The following NRXN1 variants were observed in gnomAD, a reference collection of about 807,000 sequenced individuals.
NRXN1 encodes the protein neurexin 1, also known as neurexin-1.
Under a neutral mutation model 150.9 loss-of-function variants are expected in NRXN1, and 39 were observed. That is an observed-to-expected ratio of 0.26 (90% CI 0.20 to 0.34). The LOEUF is 0.34. Among genes scored for constraint, NRXN1 ranks in the 10% least tolerant of loss-of-function variants. The probability of loss-of-function intolerance (pLI) is 1.00; values close to 1 mark genes in which losing one functional copy is unlikely to be tolerated. For missense variants in NRXN1, 1,815 were observed against 1,949.9 expected (o/e 0.93, Z 1.30); for synonymous variants, 924 against 757.0 (o/e 1.22, Z -3.62).
chr2:50,120,444 T>C (rs1168313521), intron 18 of NRXN1, among the ~76,000 whole-genome samples: 1 of 152,178 alleles, frequency 6.6e-6, no homozygotes, highest in African/African-American at 2.4e-5. Flanking sequence ...GAATACTATT[T>C]ATAGTTTATT....
intron 5 of NRXN1, among the ~76,000 whole-genome samples, chr2:50,750,341 T>C (rs1700454152): frequency 1.5e-5 from 2 of 131,690 alleles, no homozygotes; most frequent in Admixed American, 1.6e-4. Context: ...TAGTTGTCAG[T>C]AGTCAAAAAT....
At chr2:50,730,672 CTTTTT>C (rs56042523) in intron 5 of NRXN1, among the ~76,000 whole-genome samples, 1 of 122,012 alleles carries the variant, frequency 8.2e-6, no homozygotes. Context: ...TTCTTGTTTT[CTTTTT>C]TTTTTTTTTT....
At chr2:50,445,098 A>AC (rs1289654849) in intron 17 of NRXN1, among the ~76,000 whole-genome samples, 15 of 151,902 alleles carry the variant, frequency 9.9e-5, no homozygotes, top group African/African-American at 3.6e-4. Flanking sequence ...TCCACATTTT[A>AC]CCCCACTAAG....
chr2:50,167,004 G>A (rs1275074930), intron 18 of NRXN1, among the ~76,000 whole-genome samples: 1 of 152,162 alleles, frequency 6.6e-6, no homozygotes, highest in Non-Finnish European at 1.5e-5. Context: ...CTCATAGGCT[G>A]ATGGCATGTA....
chr2:50,860,211 A>G (rs558948824), intron 5 of NRXN1, among the ~76,000 whole-genome samples: 10 of 152,080 alleles, frequency 6.6e-5, no homozygotes, highest in Admixed American at 6.6e-4. Context: ...TTTGTTGATA[A>G]AAGGACTCAA....
intron 21 of NRXN1, among the ~76,000 whole-genome samples, chr2:50,034,362 G>A (rs917120317): frequency 3.3e-5 from 5 of 151,906 alleles, no homozygotes; most frequent in African/African-American, 1.2e-4. Context: ...TGGAGCTGGA[G>A]GCCATTATCC....
intron 5 of NRXN1, among the ~76,000 whole-genome samples, chr2:50,629,720 A>G (rs1214129284): frequency 6.6e-6 from 1 of 151,680 alleles, no homozygotes; most frequent in African/African-American, 2.4e-5. Flanking sequence ...CACTATTCCT[A>G]TTAATGCTAC....
intron 5 of NRXN1, among the ~76,000 whole-genome samples, chr2:50,635,659 A>C (rs2104440185): frequency 6.6e-6 from 1 of 152,144 alleles, no homozygotes; most frequent in South Asian, 2.1e-4. Flanking sequence ...TCTTCCCTCA[A>C]TTACTTTTGG....
At chr2:50,785,438 C>T (rs1470218494) in intron 5 of NRXN1, among the ~76,000 whole-genome samples, 8 of 151,882 alleles carry the variant, frequency 5.3e-5, no homozygotes, top group East Asian at 1.9e-4. Flanking sequence ...TCAGTAGAGA[C>T]GGGGTTTCAC....
intron 17 of NRXN1, among the ~76,000 whole-genome samples, chr2:50,435,014 T>C (rs6717441): frequency 7.9e-5 from 12 of 151,998 alleles, no homozygotes; most frequent in African/African-American, 2.9e-4. Context: ...TAAGCACCTA[T>C]TTTTTTTCAA....
At chr2:50,189,374 G>T (rs979785254) in intron 18 of NRXN1, among the ~76,000 whole-genome samples, 2 of 152,058 alleles carry the variant, frequency 1.3e-5, no homozygotes, top group Non-Finnish European at 2.9e-5. Context: ...TGGGGGTTGG[G>T]GGGTAGGGGA....
intron 18 of NRXN1, among the ~76,000 whole-genome samples, chr2:50,166,697 T>C (rs1426988474): frequency 2.0e-5 from 3 of 152,198 alleles, no homozygotes; most frequent in Non-Finnish European, 4.4e-5. Context: ...ATACTATTTA[T>C]TAAATGAAAG....
chr2:49,978,913 A>G (rs1463793346), intron 21 of NRXN1, among the ~76,000 whole-genome samples: 1 of 152,194 alleles, frequency 6.6e-6, no homozygotes, highest in Non-Finnish European at 1.5e-5. Context: ...TGAAAGTGAC[A>G]TTCTTTACCA....
At chr2:50,417,281 T>C (rs1270782890) in intron 17 of NRXN1, 1 of 152,064 alleles carries the variant, frequency 6.6e-6, no homozygotes, top group Non-Finnish European at 1.5e-5. Context: ...AAGCCAAAGT[T>C]TTATAAAGAG....
intron 18 of NRXN1, among the ~76,000 whole-genome samples, chr2:50,151,804 T>C (rs1004955121): frequency 4.0e-5 from 6 of 151,732 alleles, no homozygotes; most frequent in African/African-American, 1.2e-4. Context: ...CTGTATACTT[T>C]AAAAATTAGT....
intron 2 of NRXN1, among the ~76,000 whole-genome samples, chr2:50,993,773 C>T (rs535220642): frequency 1.4e-4 from 22 of 152,052 alleles, no homozygotes; most frequent in African/African-American, 5.1e-4. Context: ...ACATAGGATT[C>T]TTCACTACAA....
intron 5 of NRXN1, among the ~76,000 whole-genome samples, chr2:50,718,175 C>T (rs530650024): frequency 6.6e-6 from 1 of 152,208 alleles, no homozygotes; most frequent in East Asian, 1.9e-4. Flanking sequence ...GCCATGGTTT[C>T]AGATAAAAAA....
At chr2:50,011,491 A>G (rs1055580550) in intron 21 of NRXN1, among the ~76,000 whole-genome samples, 1 of 152,166 alleles carries the variant, frequency 6.6e-6, no homozygotes, top group East Asian at 1.9e-4. Context: ...TTAAATCAGC[A>G]GTGGAATTAT....
chr2:50,366,152 CTTTT>C (rs35589416), intron 17 of NRXN1, among the ~76,000 whole-genome samples: 2 of 132,484 alleles, frequency 1.5e-5, no homozygotes, highest in Admixed American at 7.6e-5. Context: ...CGGCTGGACA[CTTTT>C]TTTTTTTTTT....
Sources: allele counts gnomAD v4.1 joint callset (sites outside exome capture counted in the v4.1 genomes callset), GRCh38; gene constraint gnomAD v4.1.1; transcripts MANE v1.5; gene names NCBI Gene and HGNC (gene_info 2026-07-23, HGNC 2026-07-21).